Variants in LPXN observed in about 807,000 individuals in gnomAD.
LPXN encodes leupaxin.
LPXN carries 28 observed loss-of-function variants against 45.6 expected under a neutral mutation model. The ratio of observed to expected loss-of-function variants is 0.61; its 90% CI spans 0.45 to 0.84. LPXN has a LOEUF of 0.84. Among genes scored for constraint, LPXN ranks in the 40% least tolerant of loss-of-function variants. The pLI is 0.00. For missense variants in LPXN, 459 were observed against 475.0 expected (o/e 0.97, Z 0.31); for synonymous variants, 166 against 169.9 (o/e 0.98, Z 0.18).
At chr11:58,565,096 A>C (rs1179526589) in intron 2 of LPXN, among the ~76,000 whole-genome samples, 1 of 152,154 alleles carries the variant, frequency 6.6e-6, no homozygotes, top group Non-Finnish European at 1.5e-5. Context: ...TATTTTTTAG[A>C]AAGAAAATGG....
At chr11:58,575,692 C>G in intron 1 of LPXN, 68 bp downstream of exon 1, 2 of 1,561,758 alleles carry the variant, frequency 1.3e-6, no homozygotes, top group Non-Finnish European at 1.8e-6. Flanking sequence ...GAAGTATACC[C>G]CACCACACAA....
intron 7 of LPXN, among the ~76,000 whole-genome samples, chr11:58,539,544 A>G (rs1479579207): frequency 6.6e-6 from 1 of 152,208 alleles, no homozygotes; most frequent in Admixed American, 6.6e-5. Flanking sequence ...AGAAAGATAC[A>G]GTAACCAAAT....
chr11:58,550,650 A>T (rs1854021450), intron 5 of LPXN, among the ~76,000 whole-genome samples: 1 of 152,206 alleles, frequency 6.6e-6, no homozygotes, highest in Admixed American at 6.5e-5. Flanking sequence ...TTCAGCTGAA[A>T]ATTGTAATCA....
intron 1 of LPXN, among the ~76,000 whole-genome samples, chr11:58,572,281 T>C (rs1406303241): frequency 6.6e-6 from 1 of 152,052 alleles, no homozygotes; most frequent in Non-Finnish European, 1.5e-5. Flanking sequence ...TTAGAAGAGA[T>C]CTAATCCTTT....
chr11:58,567,954 T>G (rs552697066), intron 2 of LPXN, among the ~76,000 whole-genome samples: 1 of 152,354 alleles, frequency 6.6e-6, no homozygotes. Flanking sequence ...CTATACTCTA[T>G]GGCAAAATTA....
At chr11:58,528,678 T>C (rs1353904182) in intron 7 of LPXN, among the ~76,000 whole-genome samples, 3 of 152,214 alleles carry the variant, frequency 2.0e-5, no homozygotes, top group Admixed American at 6.5e-5. Flanking sequence ...GTTGATCTTG[T>C]CACCATTATA....
chr11:58,573,246 CAA>C (rs59534059), intron 1 of LPXN, among the ~76,000 whole-genome samples: 37,633 of 90,144 alleles, frequency 0.42, 5,964 homozygotes, highest in African/African-American at 0.58. Flanking sequence ...AACTCCGTCT[CAA>C]AAAAAAAAAA....
Position 58,527,371 on chromosome 11 carries a change from C to T in LPXN, c.*83G>A. The T allele has an allele frequency of 7.0e-7, 1 of 1,423,962 alleles. No homozygotes were observed. The highest frequency in any genetic ancestry group is 9.8e-7 in the Non-Finnish European group (1 of 1,024,102). The allele number at this position is 1,423,962 out of a possible 1,614,324, so 88.2% of individuals were successfully genotyped here. On this transcript the variant is annotated 3_prime_UTR_variant, in exon 9 of 9. Coordinates refer to ENST00000395074, the MANE Select transcript of LPXN (RefSeq NM_004811.3). ...TCTATAAGACTATTAAGCAGAAGGT[C>T]AGTAACAGAAAATTTACCCTTTCCT...
intron 7 of LPXN, among the ~76,000 whole-genome samples, chr11:58,545,674 C>T (rs539971849): frequency 2.0e-5 from 3 of 152,212 alleles, no homozygotes; most frequent in South Asian, 2.1e-4. Flanking sequence ...TAAAGCATAT[C>T]GTGTTGGTAC....
At chr11:58,529,601 C>A (rs1853325581) in intron 7 of LPXN, among the ~76,000 whole-genome samples, 1 of 134,772 alleles carries the variant, frequency 7.4e-6, no homozygotes, top group Non-Finnish European at 1.6e-5. Flanking sequence ...TAGTGAGACT[C>A]TGTCTCAAAA....
intron 3 of LPXN, among the ~76,000 whole-genome samples, chr11:58,555,841 A>G (rs1179212679): frequency 2.0e-5 from 3 of 152,100 alleles, no homozygotes; most frequent in Admixed American, 1.3e-4. Flanking sequence ...ATATATAAAT[A>G]GACTTAAGTG....
At chr11:58,541,236 A>G (rs1231661048) in intron 7 of LPXN, among the ~76,000 whole-genome samples, 2 of 152,224 alleles carry the variant, frequency 1.3e-5, no homozygotes, top group Non-Finnish European at 2.9e-5. Context: ...AGAAACTACC[A>G]TCAGAGTGAA....
upstream of LPXN, among the ~76,000 whole-genome samples, chr11:58,577,232 C>CA (rs1854921189): frequency 6.6e-6 from 1 of 152,140 alleles, no homozygotes; most frequent in Non-Finnish European, 1.5e-5. Context: ...AGTCTGCTCA[C>CA]TACAAACTCA....
intron 7 of LPXN, among the ~76,000 whole-genome samples, chr11:58,541,025 T>C (rs1178075891): frequency 1.3e-5 from 2 of 152,070 alleles, no homozygotes; most frequent in Non-Finnish European, 2.9e-5. Context: ...TTACACCTTA[T>C]ACAAAAATTA....
In LPXN at chr11:58,527,491, T is replaced by C. The variant is rs1245609473; in HGVS notation, c.1124A>G (p.Tyr375Cys). ...GAGCTTATTGAAGCAAGGTTGACAA[T>C]AGGTCTTGTCATTCTGCTCCCTGAA... Reference protein sequence around the residue: ...GIFREQNDKTYCQPCFNKLFP... With the variant: ...GIFREQNDKTCCQPCFNKLFP... The change falls in exon 9 of 9, where the codon TAT (tyrosine) becomes TGT (cysteine). Residue 375 changes from tyrosine to cysteine, a missense_variant. Tyr to Cys is a radical substitution (Grantham distance 194, BLOSUM62 -2). Coordinates refer to ENST00000395074, the MANE Select transcript of LPXN (RefSeq NM_004811.3). 2 of 1,614,110 alleles carry C rather than the reference T, an allele frequency of 1.2e-6. No individual in the cohort carries two copies. Among genetic ancestry groups the C allele is most frequent in the South Asian group, 1.1e-5 (1 of 91,086 alleles).
upstream of LPXN, chr11:58,575,909 C>T (rs1440388884): frequency 5.9e-6 from 9 of 1,520,368 alleles, no homozygotes; most frequent in South Asian, 9.0e-5. Flanking sequence ...CCTGTATTTG[C>T]TTAGCACTTC....
At position 58,549,881 on chromosome 11, in the gene LPXN, A is replaced by G; in HGVS notation, c.661-14T>C. The G allele has an allele frequency of 6.2e-7, 1 of 1,614,110 alleles. No homozygotes were observed. The highest frequency in any genetic ancestry group is 8.5e-7 in the Non-Finnish European group (1 of 1,179,936). On this transcript the variant is annotated splice_polypyrimidine_tract_variant and intron_variant, in intron 6 of 8. Coordinates refer to ENST00000395074, the MANE Select transcript of LPXN (RefSeq NM_004811.3). ...TGTCAGCACTTTCTGGAAAGGGAACACACAGATATTATAATGATGCAGAAG... is the reference window on the plus strand; with the variant it reads ...TGTCAGCACTTTCTGGAAAGGGAACGCACAGATATTATAATGATGCAGAAG...
At chr11:58,550,226 C>A in intron 5 of LPXN, 80 bp from the exon 6 acceptor site, 1 of 1,324,276 alleles carries the variant, frequency 7.6e-7, no homozygotes, top group Non-Finnish European at 1.1e-6. Flanking sequence ...CTAGGGAGCA[C>A]TCTTCACATT....
At position 58,555,418 on chromosome 11, in the gene LPXN, T is replaced by C. The variant is rs571853779; in HGVS notation, c.219-478A>G. ...TCTCTGGTGCAGAAAGTTTAGATAA[T>C]ATATATGATGATGATTTCATATTCA... On this transcript the variant is annotated intron_variant, in intron 3 of 8. Coordinates refer to ENST00000395074, the MANE Select transcript of LPXN (RefSeq NM_004811.3). 2.0e-4 allele frequency among the ~76,000 whole-genome samples: 31 copies of C among 152,304 alleles called. No individual in the cohort carries two copies. The East Asian group carries it at 3.7e-3, about 18-fold the overall frequency.
Sources: allele counts gnomAD v4.1 joint callset (sites outside exome capture counted in the v4.1 genomes callset), GRCh38; gene constraint gnomAD v4.1.1; transcripts MANE v1.5; gene names NCBI Gene and HGNC (gene_info 2026-07-23, HGNC 2026-07-21).